TSGA10: variants seen among roughly 807,000 people sequenced by gnomAD.
TSGA10 encodes testis-specific gene 10 protein.
TSGA10 carries 43 observed loss-of-function variants against 96.6 expected under a neutral mutation model. That is an observed-to-expected ratio of 0.44 (90% CI 0.35 to 0.57). TSGA10 has a LOEUF of 0.57. TSGA10 is among the 20% of genes least tolerant of loss of function. TSGA10 has a pLI of 0.01. For synonymous variants in TSGA10, 229 were observed against 269.9 expected (o/e 0.85, Z 1.48); for missense variants, 703 against 834.4 (o/e 0.84, Z 1.94).
intron 1 of TSGA10, chr2:99,150,664 C>G: frequency 6.2e-7 from 1 of 1,613,930 alleles, no homozygotes. Context: ...CAGGTTGGAA[C>G]CAGCGACTCA....
chr2:99,101,694 TAAAG>T (rs1317437425), intron 10 of TSGA10, among the ~76,000 whole-genome samples: 2 of 151,910 alleles, frequency 1.3e-5, no homozygotes, highest in African/African-American at 2.4e-5. Flanking sequence ...AACAAAAAGA[TAAAG>T]AACTAAAGAT....
At chr2:99,031,157 A>T (rs1408352527) in intron 17 of TSGA10, among the ~76,000 whole-genome samples, 1 of 152,036 alleles carries the variant, frequency 6.6e-6, no homozygotes, top group East Asian at 1.9e-4. Context: ...ATGTAAAAGA[A>T]TAGAAAACCA....
At position 99,065,012 on chromosome 2, in the gene TSGA10, T is replaced by A; in HGVS notation, c.1331A>T (p.Glu444Val). ...SEADNNTLKL[E>V]LITAEAEGNR... The stretch of plus-strand genomic sequence containing the variant: ...ACCCTCTGCCTCAGCAGTGATAAGT[T>A]CCAGTTTGAGGGTATTGTTATCTGC... Residue 444 changes from glutamate (E) to valine (V), a missense_variant, in exon 16 of 21, where the codon GAA (glutamate) becomes GTA (valine). This residue lies in a region of TSGA10 where 585 missense variants were observed against 656.8 expected (regional missense o/e 0.89). Transcript: ENST00000393483. The A allele has an allele frequency of 6.2e-7, 1 of 1,613,790 alleles. No homozygotes were observed. The highest frequency in any genetic ancestry group is 8.5e-7 in the Non-Finnish European group (1 of 1,179,864).
chr2:99,023,670 C>T (rs1028084633), intron 17 of TSGA10, among the ~76,000 whole-genome samples: 2 of 152,184 alleles, frequency 1.3e-5, no homozygotes, highest in Non-Finnish European at 2.9e-5. Context: ...ATTGAATTGT[C>T]CTAGCACCTG....
intron 5 of TSGA10, among the ~76,000 whole-genome samples, chr2:99,109,855 A>G (rs1260680762): frequency 6.6e-6 from 1 of 152,094 alleles, no homozygotes; most frequent in Non-Finnish European, 1.5e-5. Context: ...AATGGCATGG[A>G]TTTGCTTTAG....
rs1167854716 is a variant in TSGA10, at chr2:99,074,000, C to CTTTTTTTTTTTTTTTTTTTTTTTTT, written c.883-952_883-928dup. ...AACCAATTCTGTTCCTGTTTCTTTT[C>CTTTTTTTTTTTTTTTTTTTTTTTTT]TTTTTTTTTTTTTTTTTTTTTTTTT... On this transcript the variant is annotated intron_variant, in intron 12 of 20. Coordinates refer to ENST00000393483, the MANE Select transcript of TSGA10 (RefSeq NM_025244.4). Among the ~76,000 whole-genome samples the CTTTTTTTTTTTTTTTTTTTTTTTTT allele has an allele frequency of 4.2e-4, 22 of 52,636 alleles. 6 individuals carry two copies. The highest frequency in any genetic ancestry group is 7.7e-4 in the Admixed American group (3 of 3,878). The allele number at this position is 52,636 out of a possible 152,430, so 34.5% of individuals were successfully genotyped here. A position where few individuals can be genotyped will look rare whatever the true frequency, so the allele number is the denominator to read the frequency against.
chr2:99,022,332 A>AC (rs1221769270), intron 17 of TSGA10, among the ~76,000 whole-genome samples: 8 of 150,070 alleles, frequency 5.3e-5, no homozygotes, highest in Non-Finnish European at 7.4e-5. Context: ...CTCAAAAAAA[A>AC]AAAAAAAAAA....
At chr2:99,017,514 C>A (rs1436097536) in intron 20 of TSGA10, among the ~76,000 whole-genome samples, 3 of 152,034 alleles carry the variant, frequency 2.0e-5, no homozygotes, top group Admixed American at 6.6e-5. Context: ...GCCTGTAATC[C>A]CAGCACTTTG....
intron 7 of TSGA10, among the ~76,000 whole-genome samples, chr2:99,106,791 C>T (rs1243078154): frequency 6.6e-6 from 1 of 152,128 alleles, no homozygotes; most frequent in Non-Finnish European, 1.5e-5. Flanking sequence ...TTGTTCCTCC[C>T]TAGCTGTCTG....
At chr2:99,078,948 T>A (rs776099376) in intron 11 of TSGA10, 135 bp from the exon 12 acceptor site, 10 of 739,530 alleles carry the variant, frequency 1.4e-5, no homozygotes, top group Non-Finnish European at 1.9e-5. Context: ...ATGAGTACTA[T>A]ATCCCAAATT....
At chr2:99,113,234 C>G (rs2091965727) in intron 4 of TSGA10, among the ~76,000 whole-genome samples, 1 of 152,094 alleles carries the variant, frequency 6.6e-6, no homozygotes, top group Non-Finnish European at 1.5e-5. Context: ...ATTTCCCTCC[C>G]CTAGAGTGTG....
intron 16 of TSGA10, among the ~76,000 whole-genome samples, chr2:99,053,747 G>T (rs1160670926): frequency 6.6e-6 from 1 of 152,004 alleles, no homozygotes. Context: ...AACATACAAA[G>T]ATCAGTAGCA....
chr2:99,005,488 T>C (rs2078382181), intron 20 of TSGA10, among the ~76,000 whole-genome samples: 1 of 152,166 alleles, frequency 6.6e-6, no homozygotes, highest in South Asian at 2.1e-4. Context: ...AGCATTCTTA[T>C]ACACCAATAA....
chr2:99,126,987 G>C (rs1316071599), intron 2 of TSGA10, 61 bp downstream of exon 2: 1 of 1,257,330 alleles, frequency 8.0e-7, no homozygotes, highest in Non-Finnish European at 1.0e-6. Context: ...CTATCTTCTT[G>C]TTTCAAAATA....
At chr2:99,095,381 C>CA (rs2089921963) in intron 10 of TSGA10, among the ~76,000 whole-genome samples, 1 of 151,252 alleles carries the variant, frequency 6.6e-6, no homozygotes, top group Admixed American at 6.6e-5. Context: ...ATCTGTTCCC[C>CA]AAAAACCTAT....
intron 17 of TSGA10, among the ~76,000 whole-genome samples, chr2:99,027,786 A>G (rs1010261225): frequency 6.6e-6 from 1 of 152,138 alleles, no homozygotes; most frequent in Non-Finnish European, 1.5e-5. Flanking sequence ...TCTAAAAGAC[A>G]GTTTCTTTTG....
intron 10 of TSGA10, among the ~76,000 whole-genome samples, chr2:99,082,546 TA>T (rs1239674548): frequency 1.3e-5 from 2 of 151,902 alleles, no homozygotes; most frequent in African/African-American, 4.8e-5. Context: ...CAAAGAGTCT[TA>T]ATCTCAATCT....
intron 2 of TSGA10, among the ~76,000 whole-genome samples, chr2:99,122,486 A>T (rs2092620908): frequency 1.3e-5 from 2 of 151,602 alleles, no homozygotes; most frequent in African/African-American, 4.8e-5. Context: ...TGTAAAATTA[A>T]AAAAAAATTT....
intron 16 of TSGA10, among the ~76,000 whole-genome samples, chr2:99,039,249 C>G (rs1488600283): frequency 6.7e-6 from 1 of 149,444 alleles, no homozygotes; most frequent in South Asian, 2.2e-4. Context: ...AAACCAAACT[C>G]AAACCCCGCA....
Sources: gnomAD v4.1 joint callset for allele counts (sites outside exome capture counted in the v4.1 genomes callset) on GRCh38, gnomAD v4.1.1 for gene constraint, gnomAD v4.1.1 regional missense constraint, MANE v1.5 for transcripts, NCBI Gene and HGNC (gene_info 2026-07-23, HGNC 2026-07-21) for gene names.